KLK9: variants seen among roughly 807,000 people sequenced by gnomAD.
The protein encoded by KLK9 is kallikrein related peptidase 9, also known as kallikrein-9.
KLK9 carries 26 observed loss-of-function variants against 23.3 expected under a neutral mutation model. That is an observed-to-expected ratio of 1.12 (90% confidence interval 0.82 to 1.55). The LOEUF (loss-of-function observed/expected upper bound fraction) is 1.55, where lower values mean the gene tolerates loss of function less well. Ranked by LOEUF, KLK9 falls within the 40% of genes most tolerant of loss-of-function variation. The pLI is 0.00. For missense variants in KLK9, 346 were observed against 333.7 expected (o/e 1.04, Z -0.29); for synonymous variants, 122 against 128.5 (o/e 0.95, Z 0.34).
chr19:51,003,264 T>C lies in KLK9; in HGVS notation c.604-4A>G. The C allele has an allele frequency of 6.2e-7, 1 of 1,610,918 alleles. No homozygotes were observed. The highest frequency in any genetic ancestry group is 1.7e-5 in the Admixed American group (1 of 59,812). ...CCAGGGGGCCCCCAGAGTCACCCTG[T>C]ACGCGAGAGAAGGGCAGAGGAACTG... On this transcript the variant is annotated splice_region_variant and splice_polypyrimidine_tract_variant and intron_variant, in intron 4 of 4. Transcript: ENST00000594211.
At chr19:51,007,346 A>G (rs2091259757) in intron 2 of KLK9, among the ~76,000 whole-genome samples, 1 of 151,800 alleles carries the variant, frequency 6.6e-6, no homozygotes, top group Admixed American at 6.6e-5. Flanking sequence ...TCCATGCCCT[A>G]GACAGCTGGG....
At position 51,004,942 on chromosome 19, in the gene KLK9, T is replaced by C. The variant is rs185437658; in HGVS notation, c.467-1102A>G. Among the ~76,000 whole-genome samples the C allele has an allele frequency of 9.2e-5, 14 of 152,156 alleles. No individual in the cohort carries two copies. The South Asian group carries it at 1.7e-3, about 18-fold the overall frequency. ...GCATCAAGGGATATGATAAACAGAA[T>C]TGGTAAACAGAAGTCGGGGACGGGG... On this transcript the variant is annotated intron_variant, in intron 3 of 4. Transcript: ENST00000594211.
In KLK9 at chr19:51,006,638, G is replaced by T. The variant is rs768841053; in HGVS notation, c.286C>A (p.His96Asn). Residue 96 changes from histidine (H) to asparagine (N), a missense_variant, in exon 3 of 5, where the codon CAC becomes AAC. Physicochemically the swap from His to Asn is moderately conservative, Grantham distance 68. Coordinates refer to ENST00000594211, the MANE Select transcript of KLK9 (RefSeq NM_012315.2). This position sits in a 1 kb window ranked among gnomAD's most constrained non-coding sequence, Gnocchi z 4.1. ...QLFRVTDFFP[H>N]PGFNKDLSAN... ...CTGAGGTCCTTGTTGAAGCCAGGGT[G>T]GGGGAAGAAGTCCGTAACCCGGAAC... 7 of 1,613,196 alleles carry T rather than the reference G, an allele frequency of 4.3e-6. No individual in the cohort carries two copies. The highest frequency in any genetic ancestry group is 2.2e-5 in the South Asian group (2 of 91,054).
chr19:51,009,059 T>G lies in KLK9; in HGVS notation c.200+124A>C. The G allele has an allele frequency of 8.9e-7, 1 of 1,118,858 alleles. No homozygotes were observed. The highest frequency in any genetic ancestry group is 1.2e-6 in the Non-Finnish European group (1 of 813,582). The allele number at this position is 1,118,858 out of a possible 1,614,324, so 69.3% of individuals were successfully genotyped here. Reference sequence around the variant, plus strand: ...GGATTTGGGAGGCTACCCTTCCTACTTCTAAGAGTTGAACTTGTGGTATCA... The same window carrying G: ...GGATTTGGGAGGCTACCCTTCCTACGTCTAAGAGTTGAACTTGTGGTATCA... On this transcript the variant is annotated intron_variant, in intron 2 of 4. Transcript: ENST00000594211. This position sits in a 1 kb window ranked among gnomAD's most constrained non-coding sequence, Gnocchi z 4.8.
At chr19:51,005,850 G>A (rs948752397) in intron 3 of KLK9, among the ~76,000 whole-genome samples, 2 of 151,320 alleles carry the variant, frequency 1.3e-5, no homozygotes, top group East Asian at 1.9e-4. Flanking sequence ...AGTCCAAGGC[G>A]GGCAGATCAC....
intron 2 of KLK9, among the ~76,000 whole-genome samples, chr19:51,007,875 T>G (rs750683148): frequency 2.6e-5 from 4 of 152,154 alleles, no homozygotes; most frequent in Non-Finnish European, 4.4e-5. Context: ...CGACACACTA[T>G]TATCCATGAT....
chr19:51,006,638 G>C lies in KLK9; in HGVS notation c.286C>G (p.His96Asp), dbSNP rs768841053. The part of the protein sequence containing the change: ...QLFRVTDFFP[H>D]PGFNKDLSAN... ...CTGAGGTCCTTGTTGAAGCCAGGGTGGGGGAAGAAGTCCGTAACCCGGAAC... is the reference window on the plus strand; with the variant it reads ...CTGAGGTCCTTGTTGAAGCCAGGGTCGGGGAAGAAGTCCGTAACCCGGAAC... Residue 96 changes from histidine (H) to aspartate (D), a missense_variant, in exon 3 of 5, where the codon CAC becomes GAC. Physicochemically the swap from His to Asp is moderately conservative, Grantham distance 81. Transcript: ENST00000594211. This position sits in a 1 kb window ranked among gnomAD's most constrained non-coding sequence, Gnocchi z 4.1. The C allele has an allele frequency of 5.6e-6, 9 of 1,613,078 alleles. No individual in the cohort carries two copies. The highest frequency in any genetic ancestry group is 2.2e-5 in the East Asian group (1 of 44,888).
intron 2 of KLK9, among the ~76,000 whole-genome samples, chr19:51,007,063 C>T (rs879662093): frequency 4.0e-5 from 6 of 151,826 alleles, no homozygotes; most frequent in Admixed American, 2.6e-4. Context: ...GGTGTGGGCA[C>T]GGGGGACCCC....
Position 51,009,562 on chromosome 19 carries a change from T to A in KLK9, c.-15A>T. ...CCCAGCTTCATGACCCCTGGGCACC[T>A]GGATCCTGGAACGTGCACCCGGCGT... On this transcript the variant is annotated 5_prime_UTR_variant, in exon 1 of 5. Transcript: ENST00000594211. This position sits in a 1 kb window ranked among gnomAD's most constrained non-coding sequence, Gnocchi z 4.8. The A allele has an allele frequency of 6.2e-7, 1 of 1,612,150 alleles. No homozygotes were observed. The highest frequency in any genetic ancestry group is 8.5e-7 in the Non-Finnish European group (1 of 1,179,392).
chr19:51,006,706 AGGC>A lies in KLK9; in HGVS notation c.215_217del (p.Arg72del). ...CCATTTCCAGAGGTGGTGCTCTCCA[AGGC>A]GGACCCACAGATACCTGCTGGGACA... is the stretch of plus-strand genomic sequence containing the variant. On this transcript the variant is annotated inframe_deletion, in exon 3 of 5. Coordinates refer to ENST00000594211, the MANE Select transcript of KLK9 (RefSeq NM_012315.2). This position sits in a 1 kb window ranked among gnomAD's most constrained non-coding sequence, Gnocchi z 4.1. 6.3e-7 allele frequency: 1 copy of A among 1,592,522 alleles called. No homozygotes were observed. The highest frequency in any genetic ancestry group is 1.1e-5 in the South Asian group (1 of 87,476).
intron 2 of KLK9, among the ~76,000 whole-genome samples, chr19:51,008,389 A>T (rs2091264366): frequency 6.6e-6 from 1 of 151,656 alleles, no homozygotes; most frequent in Admixed American, 6.6e-5. Context: ...TCATTCTATA[A>T]ATCTATAACC....
At position 51,003,725 on chromosome 19, in the gene KLK9, C is replaced by CA; in HGVS notation, c.581_582insT (p.Glu194AspfsTer10). 6.2e-7 allele frequency: 1 copy of CA among 1,612,372 alleles called. No homozygotes were observed. On this transcript the variant is annotated frameshift_variant, in exon 4 of 5. Transcript: ENST00000594211. LOFTEE classifies it low-confidence loss of function (END_TRUNC). ...TCACCTGGCAGGAACCTCGGCCCCCCTCCCACAGGCCCGCACAGAGCATGC... is the reference window on the plus strand; with the variant it reads ...TCACCTGGCAGGAACCTCGGCCCCCCATCCCACAGGCCCGCACAGAGCATGC...
In KLK9 at chr19:51,003,875, T is replaced by C. The variant is rs930180688; in HGVS notation, c.467-35A>G. On this transcript the variant is annotated intron_variant, in intron 3 of 4. Transcript: ENST00000594211. The stretch of plus-strand genomic sequence containing the variant: ...AAGAGAACTGTCAAGGATCTGCAAC[T>C]GTCTCCAACACACTCAGCACCCCAC... The C allele has an allele frequency of 1.1e-5, 18 of 1,603,372 alleles. No individual in the cohort carries two copies. The Admixed American group carries it at 1.5e-4, about 13-fold the overall frequency.
chr19:51,006,618 G>C lies in KLK9; in HGVS notation c.306C>G (p.Asp102Glu). The C allele has an allele frequency of 6.2e-7, 1 of 1,613,298 alleles. No homozygotes were observed. The highest frequency in any genetic ancestry group is 8.5e-7 in the Non-Finnish European group (1 of 1,179,468). Residue 102 changes from aspartate (D) to glutamate (E), a missense_variant, in exon 3 of 5, where the codon GAC (aspartate) becomes GAG (glutamate). Physicochemically the swap from Asp to Glu is conservative, Grantham distance 45. Transcript: ENST00000594211. This position sits in a 1 kb window ranked among gnomAD's most constrained non-coding sequence, Gnocchi z 4.1. ...CATCATTGTGGTCATTGGCGCTGAG[G>C]TCCTTGTTGAAGCCAGGGTGGGGGA... ...DFFPHPGFNK[D>E]LSANDHNDDI...
intron 3 of KLK9, 116 bp from the exon 4 acceptor site, chr19:51,003,956 C>G: frequency 1.3e-6 from 1 of 779,648 alleles, no homozygotes; most frequent in Non-Finnish European, 2.1e-6. Context: ...ACATTTAGGA[C>G]TCTCAAAGAT....
chr19:51,004,244 G>A (rs190429223), intron 3 of KLK9, among the ~76,000 whole-genome samples: 297 of 147,786 alleles, frequency 2.0e-3, no homozygotes, highest in African/African-American at 7.0e-3. Context: ...GGAGGCTGAG[G>A]CACGAGAATC....
In KLK9 at chr19:51,006,511, G is replaced by C; in HGVS notation, c.413C>G (p.Ser138Cys). The change falls in exon 3 of 5, where the codon TCC becomes TGC. Residue 138 changes from serine (S) to cysteine (C), a missense_variant. Transcript: ENST00000594211. This position sits in a 1 kb window ranked among gnomAD's most constrained non-coding sequence, Gnocchi z 4.1. ...TGAGATGAGACACTGCATGCCTGGG[G>C]AGACACAGGTCTGGCTGAGGTTGAG... Reference protein sequence around the residue: ...QPLNLSQTCVSPGMQCLISGW... With the variant: ...QPLNLSQTCVCPGMQCLISGW... The C allele has an allele frequency of 1.9e-6, 3 of 1,613,220 alleles. No homozygotes were observed. Among genetic ancestry groups the C allele is most frequent in the Non-Finnish European group, 2.5e-6 (3 of 1,179,450 alleles).
chr19:51,009,306 G>T lies in KLK9; in HGVS notation c.77C>A (p.Ala26Asp), dbSNP rs753107467. Residue 26 changes from alanine (A) to aspartate (D), a missense_variant, in exon 2 of 5, where the codon GCC (alanine) becomes GAC (aspartate). Transcript: ENST00000594211. The surrounding 1 kb of genome is among the most constrained non-coding windows in gnomAD (Gnocchi z 4.8). ...HGWADTRAIG[A>D]EECRPNSQPW... ...CTGGGAGTTGGGGCGACATTCCTCG[G>T]CCCCGATGGCACGGGTGTCTGCCCA... is the stretch of plus-strand genomic sequence containing the variant. 4 of 1,594,768 alleles carry T rather than the reference G, an allele frequency of 2.5e-6. No individual in the cohort carries two copies. The East Asian group carries it at 9.0e-5, about 36-fold the overall frequency.
intron 2 of KLK9, among the ~76,000 whole-genome samples, chr19:51,007,555 C>T (rs1172353742): frequency 1.3e-5 from 2 of 151,852 alleles, no homozygotes; most frequent in Non-Finnish European, 2.9e-5. Context: ...CTTCCCCTGC[C>T]TCTCACTCTC....
Sources: gnomAD v4.1 joint callset for allele counts (sites outside exome capture counted in the v4.1 genomes callset) on GRCh38, gnomAD v4.1.1 for gene constraint, Gnocchi (gnomAD v3.1) non-coding constraint, MANE v1.5 for transcripts, NCBI Gene and HGNC (gene_info 2026-07-23, HGNC 2026-07-21) for gene names.